Variants in SPIN1 observed in about 807,000 individuals in gnomAD.
SPIN1 encodes the protein spindlin-1.
A neutral mutation model predicts 26.0 loss-of-function variants in SPIN1; 3 were observed. The ratio of observed to expected loss-of-function variants is 0.12; its 90% CI spans 0.05 to 0.30. SPIN1 has a LOEUF of 0.30. Ranked by LOEUF, SPIN1 falls within the 10% of genes least tolerant of loss-of-function variation. The pLI is 1.00. For synonymous variants in SPIN1, 101 were observed against 116.5 expected (o/e 0.87, Z 0.86); for missense variants, 126 against 333.4 (o/e 0.38, Z 4.84).
chr9:88,399,067 T>C (rs1827130271), intron 1 of SPIN1, among the ~76,000 whole-genome samples: 2 of 151,076 alleles, frequency 1.3e-5, no homozygotes, highest in African/African-American at 2.4e-5. Context: ...AGTCTTGCTC[T>C]ATTGCCCAGG....
chr9:88,427,929 G>C (rs1159926969), intron 2 of SPIN1, among the ~76,000 whole-genome samples: 1 of 152,212 alleles, frequency 6.6e-6, no homozygotes, highest in South Asian at 2.1e-4. Flanking sequence ...TACCTATTGG[G>C]GTTAAGGACT....
At chr9:88,471,654 C>CAAAAAAA (rs1166469042) in intron 5 of SPIN1, among the ~76,000 whole-genome samples, 34 of 59,734 alleles carry the variant, frequency 5.7e-4, no homozygotes, top group African/African-American at 1.1e-3. Flanking sequence ...GACTCTGTCT[C>CAAAAAAA]AAAAAAAAAA....
chr9:88,444,815 C>T (rs1370574271), intron 2 of SPIN1, among the ~76,000 whole-genome samples: 8 of 151,728 alleles, frequency 5.3e-5, no homozygotes, highest in African/African-American at 1.2e-4. Flanking sequence ...CTCAGCCTCC[C>T]GAGTAGCTGG....
At chr9:88,427,604 CT>C (rs1007368685) in intron 2 of SPIN1, among the ~76,000 whole-genome samples, 3 of 151,430 alleles carry the variant, frequency 2.0e-5, no homozygotes, top group Admixed American at 6.6e-5. Context: ...CTTTTTCTCT[CT>C]TTTTTTTCTT....
At chr9:88,412,633 TA>T (rs1827473811) in intron 1 of SPIN1, among the ~76,000 whole-genome samples, 1 of 152,150 alleles carries the variant, frequency 6.6e-6, no homozygotes, top group Non-Finnish European at 1.5e-5. Context: ...ATATTTAAGT[TA>T]TACAAATATT....
At chr9:88,425,843 C>T (rs919880257) in intron 1 of SPIN1, among the ~76,000 whole-genome samples, 1 of 152,158 alleles carries the variant, frequency 6.6e-6, no homozygotes. Context: ...AATTCTTTCT[C>T]TTGCCCAAGA....
At chr9:88,395,643 TCA>T (rs1255209834) in intron 1 of SPIN1, among the ~76,000 whole-genome samples, 1 of 152,080 alleles carries the variant, frequency 6.6e-6, no homozygotes, top group African/African-American at 2.4e-5. Flanking sequence ...AGATGAGGTC[TCA>T]CAGTGTTGCC....
intron 1 of SPIN1, among the ~76,000 whole-genome samples, chr9:88,419,355 G>A (rs115767961): frequency 1.1e-3 from 168 of 152,152 alleles, no homozygotes; most frequent in African/African-American, 3.8e-3. Flanking sequence ...TAGCCTGTGC[G>A]GTCTAACCCT....
Position 88,464,491 on chromosome 9 carries a change from A to G in SPIN1, c.355+1742A>G, listed in dbSNP as rs372551814. On this transcript the variant is annotated intron_variant, in intron 4 of 5. Transcript: ENST00000375859. ...TGATGTCACAGAGCAGTGGTTCCCA[A>G]AGCAAGGCCTGGGGACCCTTGGGTT... 1.2e-3 allele frequency among the ~76,000 whole-genome samples: 189 copies of G among 152,324 alleles called. 5 individuals carry two copies. In the South Asian group the frequency reaches 0.036, roughly 29 times the overall value.
intron 3 of SPIN1, among the ~76,000 whole-genome samples, chr9:88,462,095 C>T (rs982300707): frequency 6.6e-6 from 1 of 152,084 alleles, no homozygotes; most frequent in Admixed American, 6.5e-5. Context: ...AAACTATATA[C>T]CTGTGTGATT....
chr9:88,427,575 A>G (rs1827787498), intron 2 of SPIN1, among the ~76,000 whole-genome samples: 1 of 152,078 alleles, frequency 6.6e-6, no homozygotes, highest in African/African-American at 2.4e-5. Context: ...CTCATCTAAA[A>G]AAACGGGACT....
intron 5 of SPIN1, 82 bp downstream of exon 5, chr9:88,468,687 G>C: frequency 1.2e-6 from 1 of 867,346 alleles, no homozygotes; most frequent in South Asian, 4.3e-5. Flanking sequence ...TGGCTCTTTT[G>C]CAGATACATT....
intron 2 of SPIN1, among the ~76,000 whole-genome samples, chr9:88,439,368 C>T (rs1384452126): frequency 2.0e-5 from 3 of 152,144 alleles, no homozygotes; most frequent in African/African-American, 7.2e-5. Context: ...GACACCTTTG[C>T]TTTCTGATAC....
At chr9:88,433,051 C>A (rs190334849) in intron 2 of SPIN1, among the ~76,000 whole-genome samples, 4 of 151,956 alleles carry the variant, frequency 2.6e-5, no homozygotes, top group Non-Finnish European at 4.4e-5. Context: ...TTCATAGATA[C>A]AAGTAGCTTA....
In SPIN1 at chr9:88,476,013, A is replaced by G. The variant is rs1393537980; in HGVS notation, c.*736A>G. Reference sequence around the variant, plus strand: ...TATTTGTGAACAGTTAATGACCCATATTAGAATTTTACAATCTGGTGAACA... The same window carrying G: ...TATTTGTGAACAGTTAATGACCCATGTTAGAATTTTACAATCTGGTGAACA... On this transcript the variant is annotated 3_prime_UTR_variant, in exon 6 of 6. Coordinates refer to ENST00000375859, the MANE Select transcript of SPIN1 (RefSeq NM_006717.3). 4 of 152,142 alleles carry G rather than the reference A, an allele frequency of 2.6e-5. No individual in the cohort carries two copies. The highest frequency in any genetic ancestry group is 6.5e-5 in the Admixed American group (1 of 15,286). 9.4% of individuals were successfully genotyped at this position (152,142 alleles called of 1,614,324 possible).
chr9:88,473,368 G>T (rs1828827855), intron 5 of SPIN1, among the ~76,000 whole-genome samples: 2 of 147,692 alleles, frequency 1.4e-5, no homozygotes, highest in South Asian at 4.2e-4. Context: ...ACTCCAGCCT[G>T]GGCGAGAAGA....
intron 2 of SPIN1, among the ~76,000 whole-genome samples, chr9:88,446,382 T>C (rs1828250962): frequency 6.6e-6 from 1 of 151,100 alleles, no homozygotes; most frequent in Admixed American, 6.6e-5. Context: ...TATAGTATTT[T>C]AAGTCCATAG....
At chr9:88,417,321 A>G (rs867757947) in intron 1 of SPIN1, among the ~76,000 whole-genome samples, 1 of 152,152 alleles carries the variant, frequency 6.6e-6, no homozygotes, top group East Asian at 1.9e-4. Context: ...TTTTCCCTAC[A>G]TTATCTGTGT....
At position 88,426,021 on chromosome 9, in the gene SPIN1, C is replaced by G. The variant is rs139980977; in HGVS notation, c.-158-361C>G. The stretch of plus-strand genomic sequence containing the variant: ...CCATTAGACAGATGGGCCATGCTGT[C>G]TAAATCTTCTGTGAAATCCCAGCAT... On this transcript the variant is annotated intron_variant, in intron 1 of 5. Coordinates refer to ENST00000375859, the MANE Select transcript of SPIN1 (RefSeq NM_006717.3). Among the ~76,000 whole-genome samples the G allele has an allele frequency of 3.6e-3, 550 of 152,232 alleles. 2 individuals are homozygous for G. Among genetic ancestry groups the G allele is most frequent in the African/African-American group, 0.012 (517 of 41,542 alleles).
Sources: allele counts gnomAD v4.1 joint callset (sites outside exome capture counted in the v4.1 genomes callset), GRCh38; gene constraint gnomAD v4.1.1; transcripts MANE v1.5; gene names NCBI Gene and HGNC (gene_info 2026-07-23, HGNC 2026-07-21).